Variants in G2E3 observed in about 807,000 individuals in gnomAD.
G2E3 encodes the protein G2/M phase-specific E3 ubiquitin-protein ligase.
In G2E3, 35 loss-of-function variants were observed where a neutral mutation model predicts 92.8. The ratio of observed to expected loss-of-function variants is 0.38; its 90% CI spans 0.29 to 0.50. G2E3 has a LOEUF of 0.50. Ranked by LOEUF, G2E3 falls within the 20% of genes least tolerant of loss-of-function variation. The pLI is 0.94. For missense variants in G2E3, 554 were observed against 823.8 expected, an observed-to-expected ratio of 0.67 and a Z score of 4.01; for synonymous variants, 242 against 272.4, an observed-to-expected ratio of 0.89 and a Z score of 1.10.
At chr14:30,602,368 C>G (rs1318283930) in intron 10 of G2E3, among the ~76,000 whole-genome samples, 1 of 46,548 alleles carries the variant, frequency 2.1e-5, no homozygotes, top group Non-Finnish European at 3.2e-5. Flanking sequence ...AAAAGTGTAT[C>G]TATCCTACTG....
chr14:30,605,302 G>A (rs1229659165), intron 10 of G2E3, among the ~76,000 whole-genome samples: 1 of 152,154 alleles, frequency 6.6e-6, no homozygotes, highest in Admixed American at 6.5e-5. Context: ...TTGGGGTGAG[G>A]AATCAAGAAT....
In G2E3 at chr14:30,559,224, C is replaced by G. The variant is rs1878938339; in HGVS notation, c.-53C>G. The G allele has an allele frequency of 6.6e-6, 1 of 152,660 alleles. No individual in the cohort carries two copies. Among genetic ancestry groups the G allele is most frequent in the Admixed American group, 6.5e-5 (1 of 15,304 alleles). The allele number at this position is 152,660 out of a possible 1,614,324, so 9.5% of individuals were successfully genotyped here. On this transcript the variant is annotated 5_prime_UTR_variant, in exon 1 of 15. Transcript: ENST00000206595. ...TCGGCGTGCCCCGACGTACAGCGGG[C>G]CGGGAAAAGTGGCACTGAGGCTCTG... is the stretch of plus-strand genomic sequence containing the variant.
chr14:30,592,554 A>G, intron 5 of G2E3, 107 bp downstream of exon 5: 1 of 834,860 alleles, frequency 1.2e-6, no homozygotes, highest in Non-Finnish European at 1.8e-6. Context: ...AGAGCATCAG[A>G]GTTTAGATAT....
chr14:30,603,717 C>T (rs1218578112), intron 10 of G2E3, among the ~76,000 whole-genome samples: 1 of 152,038 alleles, frequency 6.6e-6, no homozygotes, highest in Non-Finnish European at 1.5e-5. Context: ...TGGTGGTGTG[C>T]ACCTGTAGTC....
At chr14:30,566,963 A>G (rs1014538177) in intron 1 of G2E3, among the ~76,000 whole-genome samples, 13 of 151,942 alleles carry the variant, frequency 8.6e-5, no homozygotes, top group South Asian at 2.1e-4. Context: ...CTTTTTCTCT[A>G]TTAGTATGGT....
rs150539878 is a variant in G2E3 at position 30,604,969 on chromosome 14, T to A, written c.1011-536T>A. Among the ~76,000 whole-genome samples the A allele has an allele frequency of 1.3e-5, 2 of 152,300 alleles. 1 individual carries two copies. Among genetic ancestry groups the A allele is most frequent in the African/African-American group, 4.8e-5 (2 of 41,572 alleles). On this transcript the variant is annotated intron_variant, in intron 10 of 14. Coordinates refer to ENST00000206595, the MANE Select transcript of G2E3 (RefSeq NM_017769.5). ...TGGAGTGCAATGGCGTGATCTTGGC[T>A]CAACGCAACCTCTGCTTCCCGGGTT...
At chr14:30,581,955 T>G (rs2138820733) in intron 2 of G2E3, among the ~76,000 whole-genome samples, 1 of 152,326 alleles carries the variant, frequency 6.6e-6, no homozygotes. Flanking sequence ...AAAATATTAT[T>G]CTTACAACTC....
intron 6 of G2E3, among the ~76,000 whole-genome samples, chr14:30,595,627 AATT>A (rs770559741): frequency 2.4e-4 from 36 of 152,230 alleles, no homozygotes; most frequent in Non-Finnish European, 4.0e-4. Context: ...ATCACTAAGC[AATT>A]ATTATTATAC....
At chr14:30,586,993 T>C (rs1481247520) in intron 3 of G2E3, among the ~76,000 whole-genome samples, 178 bp downstream of exon 3, 1 of 152,186 alleles carries the variant, frequency 6.6e-6, no homozygotes, top group East Asian at 1.9e-4. Flanking sequence ...CTGAAGTTAC[T>C]TAGTACATAC....
intron 13 of G2E3, among the ~76,000 whole-genome samples, chr14:30,613,120 CA>C: frequency 6.6e-6 from 1 of 152,158 alleles, no homozygotes; most frequent in Non-Finnish European, 1.5e-5. Context: ...CTAAGTTAGA[CA>C]ACTTATGTAT....
At chr14:30,590,812 G>C (rs1880968898) in intron 4 of G2E3, 2 of 451,998 alleles carry the variant, frequency 4.4e-6, no homozygotes, top group East Asian at 1.4e-4. Flanking sequence ...TAGTGAGCTT[G>C]TGGTAAAAGG....
intron 2 of G2E3, among the ~76,000 whole-genome samples, chr14:30,584,473 A>T (rs1410232802): frequency 1.3e-5 from 2 of 152,212 alleles, no homozygotes; most frequent in Admixed American, 6.5e-5. Context: ...AAAGCTCTAC[A>T]TCATTTTATA....
chr14:30,595,836 GAA>G (rs999170947), intron 6 of G2E3, among the ~76,000 whole-genome samples: 7 of 152,272 alleles, frequency 4.6e-5, no homozygotes, highest in Non-Finnish European at 8.8e-5. Context: ...GATTTTGGGA[GAA>G]GAGACTAGAG....
Position 30,599,780 on chromosome 14 carries a change from T to A in G2E3, c.752+1181T>A, listed in dbSNP as rs556573144. ...ATATATGTTATTTAACTTTTTTATA[T>A]TTTTTAATGTGGCTACTGGAAAATT... On this transcript the variant is annotated intron_variant, in intron 8 of 14. Transcript: ENST00000206595. Among the ~76,000 whole-genome samples, 355 of 152,320 alleles carry A rather than the reference T, an allele frequency of 2.3e-3. 3 individuals are homozygous for A. The highest frequency in any genetic ancestry group is 3.0e-3 in the Non-Finnish European group (204 of 68,018).
chr14:30,583,305 T>A (rs1029138428), intron 2 of G2E3, among the ~76,000 whole-genome samples: 2 of 152,242 alleles, frequency 1.3e-5, no homozygotes, highest in African/African-American at 4.8e-5. Flanking sequence ...TCATATCCTG[T>A]TAATTATTTT....
chr14:30,586,671 G>A (rs753682707), intron 2 of G2E3, 47 bp from the exon 3 acceptor site: 1 of 650,272 alleles, frequency 1.5e-6, no homozygotes, highest in South Asian at 2.4e-5. Flanking sequence ...GGGTTTTTTT[G>A]AAATATTTAA....
intron 3 of G2E3, among the ~76,000 whole-genome samples, chr14:30,587,827 G>A (rs538665088): frequency 1.3e-5 from 2 of 152,284 alleles, no homozygotes; most frequent in African/African-American, 4.8e-5. Context: ...ATATGACCTA[G>A]TCATCACAGC....
chr14:30,567,261 G>A (rs1347420038), intron 1 of G2E3, among the ~76,000 whole-genome samples: 1 of 152,024 alleles, frequency 6.6e-6, no homozygotes, highest in Admixed American at 6.6e-5. Flanking sequence ...TTTCTTCAAA[G>A]GTTTAATAGG....
At chr14:30,594,882 A>G (rs534018023) in intron 6 of G2E3, among the ~76,000 whole-genome samples, 23 of 151,320 alleles carry the variant, frequency 1.5e-4, no homozygotes, top group South Asian at 2.1e-4. Flanking sequence ...TAATCCCAGC[A>G]TTCTGGGAGG....
Sources: gnomAD v4.1 joint callset for allele counts (sites outside exome capture counted in the v4.1 genomes callset) on GRCh38, gnomAD v4.1.1 for gene constraint, MANE v1.5 for transcripts, NCBI Gene and HGNC (gene_info 2026-07-23, HGNC 2026-07-21) for gene names.